LINGO2: variants seen among roughly 807,000 people sequenced by gnomAD.
LINGO2 encodes leucine-rich repeat and immunoglobulin-like domain-containing nogo receptor-interacting protein 2.
A neutral mutation model predicts 30.6 loss-of-function variants in LINGO2; 14 were observed. The ratio of observed to expected loss-of-function variants is 0.46; its 90% CI spans 0.30 to 0.72. The LOEUF is 0.72. LINGO2 is among the 30% of genes least tolerant of loss of function. The pLI is 0.07. For synonymous variants in LINGO2, 317 were observed against 288.5 expected (o/e 1.10, Z -1.00); for missense variants, 729 against 751.7 (o/e 0.97, Z 0.35).
chr9:28,367,107 A>ACTAT (rs1564153656), intron 3 of LINGO2, among the ~76,000 whole-genome samples: 1,382 of 135,950 alleles, frequency 0.01, 17 homozygotes, highest in African/African-American at 0.036. Context: ...TGGTTAAATC[A>ACTAT]AAAGTCAGCA....
chr9:28,919,052 T>A, the LINGO2 span, among the ~76,000 whole-genome samples: 1 of 152,170 alleles, frequency 6.6e-6, no homozygotes, highest in Non-Finnish European at 1.5e-5. Context: ...ATTACTTAAC[T>A]AATACTTCAA....
chr9:28,541,064 A>G, intron 1 of LINGO2, among the ~76,000 whole-genome samples: 1 of 152,232 alleles, frequency 6.6e-6, no homozygotes, highest in East Asian at 1.9e-4. Flanking sequence ...AACAGAAAGG[A>G]ACAATAGATA....
chr9:28,042,196 C>T (rs1056763376), intron 4 of LINGO2, among the ~76,000 whole-genome samples: 5 of 152,266 alleles, frequency 3.3e-5, no homozygotes, highest in Middle Eastern at 3.4e-3. Flanking sequence ...CTTCCATTTG[C>T]TTTCAATTTA....
the LINGO2 span, among the ~76,000 whole-genome samples, chr9:28,684,113 C>T: frequency 6.7e-6 from 1 of 148,308 alleles, no homozygotes; most frequent in South Asian, 2.1e-4. Context: ...AATTTTATTT[C>T]CATTGTATGC....
At position 28,367,097 on chromosome 9, in the gene LINGO2, TG is replaced by T. The variant is rs1564153609; in HGVS notation, c.-246+5738del. Among the ~76,000 whole-genome samples the T allele has an allele frequency of 9.3e-3, 1,370 of 147,254 alleles. 14 individuals are homozygous for T. Among genetic ancestry groups the T allele is most frequent in the African/African-American group, 0.033 (1,288 of 39,524 alleles). On this transcript the variant is annotated intron_variant, in intron 3 of 5. Coordinates refer to ENST00000379992, the Ensembl canonical transcript of LINGO2. ...TCTCTATATAGTTGTATTATAATTT[TG>T]GTTAAATCAAAAGTCAGCACATATT...
the LINGO2 span, among the ~76,000 whole-genome samples, chr9:28,988,467 T>A: frequency 1.3e-5 from 2 of 150,134 alleles, no homozygotes; most frequent in South Asian, 2.1e-4. Flanking sequence ...GTGGAGTCTT[T>A]AAAAAAAAAA....
chr9:28,620,424 C>A (rs1033736214), intron 1 of LINGO2, among the ~76,000 whole-genome samples: 5 of 152,062 alleles, frequency 3.3e-5, no homozygotes, highest in African/African-American at 1.2e-4. Flanking sequence ...CATTTTTATA[C>A]TTCAGATCAT....
Position 28,608,498 on chromosome 9 carries a change from A to G in LINGO2, c.-365+61702T>C, listed in dbSNP as rs1296864330. On this transcript the variant is annotated intron_variant, in intron 1 of 5. Coordinates refer to ENST00000379992, the Ensembl canonical transcript of LINGO2. ...GAAGGCCTTCTTTGCATGCATTCAT[A>G]CCGGTTATTATGTGCATAAATAGCA... Among the ~76,000 whole-genome samples, 4 of 151,964 alleles carry G rather than the reference A, an allele frequency of 2.6e-5. No homozygotes were observed. The East Asian group carries it at 7.7e-4, about 29-fold the overall frequency.
chr9:28,637,068 T>C (rs1160126559), intron 1 of LINGO2, among the ~76,000 whole-genome samples: 1 of 152,210 alleles, frequency 6.6e-6, no homozygotes, highest in Admixed American at 6.5e-5. Context: ...GCACCATTTA[T>C]TAAATAGGCA....
At chr9:28,290,634 T>C (rs564877226) in intron 4 of LINGO2, among the ~76,000 whole-genome samples, 1 of 152,230 alleles carries the variant, frequency 6.6e-6, no homozygotes, top group South Asian at 2.1e-4. Context: ...AGGGAAGGAA[T>C]GTAACAATGT....
chr9:28,158,119 C>T (rs562678537), intron 4 of LINGO2, among the ~76,000 whole-genome samples: 3 of 152,266 alleles, frequency 2.0e-5, no homozygotes, highest in African/African-American at 7.2e-5. Context: ...AAAGACATGC[C>T]CAGTCCTTCC....
At chr9:28,879,397 A>T in the LINGO2 span, among the ~76,000 whole-genome samples, 1 of 152,138 alleles carries the variant, frequency 6.6e-6, no homozygotes, top group Admixed American at 6.6e-5. Context: ...TCTCCACCAC[A>T]TCATATTATC....
At chr9:29,135,282 G>A in the LINGO2 span, among the ~76,000 whole-genome samples, 9 of 152,064 alleles carry the variant, frequency 5.9e-5, no homozygotes, top group South Asian at 2.1e-4. Flanking sequence ...TTGTCAGGCC[G>A]GGTGTGGTGG....
At chr9:28,370,190 C>G (rs552476666) in intron 3 of LINGO2, among the ~76,000 whole-genome samples, 9 of 152,316 alleles carry the variant, frequency 5.9e-5, no homozygotes, top group Admixed American at 5.9e-4. Flanking sequence ...TGGATCCTCT[C>G]TATCTATCCA....
the LINGO2 span, among the ~76,000 whole-genome samples, chr9:28,936,094 C>A: frequency 1.3e-5 from 2 of 152,204 alleles, no homozygotes; most frequent in African/African-American, 4.8e-5. Flanking sequence ...TGGGCCAATA[C>A]CCTTAATTAT....
At chr9:28,982,320 A>G in the LINGO2 span, among the ~76,000 whole-genome samples, 3,223 of 152,190 alleles carry the variant, frequency 0.021, 95 homozygotes, top group African/African-American at 0.072. Context: ...AATAATTGAA[A>G]AAGTCTTTTG....
intron 4 of LINGO2, among the ~76,000 whole-genome samples, chr9:28,083,061 A>G (rs895453157): frequency 1.3e-5 from 2 of 152,108 alleles, no homozygotes; most frequent in African/African-American, 4.8e-5. Context: ...CTGATTCTCT[A>G]CTAAATTGAC....
chr9:29,132,546 G>C, the LINGO2 span, among the ~76,000 whole-genome samples: 4 of 152,148 alleles, frequency 2.6e-5, no homozygotes, highest in Non-Finnish European at 4.4e-5. Flanking sequence ...AACCTCTAGA[G>C]AGTATTTAAG....
the LINGO2 span, among the ~76,000 whole-genome samples, chr9:28,697,889 G>T: frequency 1.3e-5 from 2 of 152,126 alleles, no homozygotes; most frequent in South Asian, 4.1e-4. Context: ...ACAACATTTT[G>T]TCTAGATGAA....
Sources: gnomAD v4.1 joint callset for allele counts (sites outside exome capture counted in the v4.1 genomes callset) on GRCh38, gnomAD v4.1.1 for gene constraint, MANE v1.5 for transcripts, NCBI Gene and HGNC (gene_info 2026-07-23, HGNC 2026-07-21) for gene names.